The following ZNF354C variants were observed in gnomAD, a reference collection of about 807,000 sequenced individuals.
The protein encoded by ZNF354C is KRAB-zinc finger protein synten.
In ZNF354C, 7 loss-of-function variants were observed where a neutral mutation model predicts 12.4. That is an observed-to-expected ratio of 0.56 (90% CI 0.32 to 1.06). ZNF354C has a LOEUF of 1.06. Among genes scored for constraint, ZNF354C ranks in the 50% least tolerant of loss-of-function variants. The pLI, the probability that ZNF354C is intolerant of heterozygous loss-of-function variation, is 0.04. For synonymous variants in ZNF354C, 202 were observed against 224.5 expected (o/e 0.90, Z 0.90); for missense variants, 609 against 658.0 (o/e 0.93, Z 0.81).
At chr5:179,076,602 G>A (rs1285009114) in intron 3 of ZNF354C, 31 bp downstream of exon 3, 1 of 1,611,668 alleles carries the variant, frequency 6.2e-7, no homozygotes, top group South Asian at 1.1e-5. Flanking sequence ...CGAAGAATCT[G>A]TTATAGGAAC....
Position 179,081,544 on chromosome 5 carries a change from T to C in ZNF354C, c.*1447T>C, listed in dbSNP as rs920189461. On this transcript the variant is annotated 3_prime_UTR_variant, in exon 5 of 5. Transcript: ENST00000315475. ...TCTGAGAAAAATGTTAGAATTAAACTCAAGCAGTCAGTATAGTATATTTCT... is the reference window on the plus strand; with the variant it reads ...TCTGAGAAAAATGTTAGAATTAAACCCAAGCAGTCAGTATAGTATATTTCT... 4.6e-5 allele frequency: 7 copies of C among 152,258 alleles called. No individual in the cohort carries two copies. The highest frequency in any genetic ancestry group is 1.4e-4 in the African/African-American group (6 of 41,568). The allele number at this position is 152,258 out of a possible 1,614,324, so 9.4% of individuals were successfully genotyped here.
chr5:179,071,989 T>A (rs1381778276), intron 2 of ZNF354C, among the ~76,000 whole-genome samples: 1 of 151,988 alleles, frequency 6.6e-6, no homozygotes, highest in Non-Finnish European at 1.5e-5. Context: ...CATAACAAAA[T>A]CCAGAGTTTC....
chr5:179,067,865 G>T (rs1164745694), intron 2 of ZNF354C, among the ~76,000 whole-genome samples: 2 of 151,734 alleles, frequency 1.3e-5, no homozygotes, highest in African/African-American at 2.4e-5. Flanking sequence ...AGAAGAAGAA[G>T]AATGAGGTTT....
intron 2 of ZNF354C, 73 bp from the exon 3 acceptor site, chr5:179,076,372 C>T: frequency 2.5e-6 from 4 of 1,601,122 alleles, no homozygotes; most frequent in Non-Finnish European, 3.4e-6. Context: ...GTACATCCCA[C>T]TGTCACTTTC....
At position 179,079,017 on chromosome 5, in the gene ZNF354C, A is replaced by C. The variant is rs1762174619; in HGVS notation, c.585A>C (p.Lys195Asn). 1 of 1,612,824 alleles carries C rather than the reference A, an allele frequency of 6.2e-7. No homozygotes were observed. The highest frequency in any genetic ancestry group is 8.5e-7 in the Non-Finnish European group (1 of 1,179,790). The change falls in exon 5 of 5, where the codon AAA becomes AAC. Residue 195 changes from lysine (K) to asparagine (N), a missense_variant. Physicochemically the swap from Lys to Asn is moderately conservative, Grantham distance 94 (BLOSUM62 0). Transcript: ENST00000315475. The surrounding 1 kb of genome is among the most constrained non-coding windows in gnomAD (Gnocchi z 4.2). ...CCAATATGTATTATACATTTGGGAA[A>C]GATTTTAAACAGAATTTTGATCTCA... The part of the protein sequence containing the change: ...RIPNMYYTFG[K>N]DFKQNFDLMK...
chr5:179,070,538 G>A (rs888714042), intron 2 of ZNF354C, among the ~76,000 whole-genome samples: 2 of 152,092 alleles, frequency 1.3e-5, no homozygotes, highest in African/African-American at 4.8e-5. Flanking sequence ...TGCTGCCCTA[G>A]TTTCTGTTTT....
At position 179,080,039 on chromosome 5, in the gene ZNF354C, G is replaced by T. The variant is rs767168503; in HGVS notation, c.1607G>T (p.Ser536Ile). 6.2e-7 allele frequency: 1 copy of T among 1,609,592 alleles called. No individual in the cohort carries two copies. The highest frequency in any genetic ancestry group is 1.3e-5 in the African/African-American group (1 of 74,518). The change falls in exon 5 of 5, where the codon AGC becomes ATC. Residue 536 changes from serine (S) to isoleucine (I), a missense_variant. By Grantham distance (142) the Ser-to-Ile change is moderately radical. Coordinates refer to ENST00000315475, the MANE Select transcript of ZNF354C (RefSeq NM_014594.3). ...WKEYGKPFIC[S>I]SSLTQYQRFF... ...GAATATGGGAAACCTTTCATCTGCA[G>T]CTCCTCACTTACCCAGTATCAGAGA...
chr5:179,082,555 T>G lies in ZNF354C; in HGVS notation c.*2458T>G, dbSNP rs1190911225. On this transcript the variant is annotated 3_prime_UTR_variant, in exon 5 of 5. Coordinates refer to ENST00000315475, the MANE Select transcript of ZNF354C (RefSeq NM_014594.3). ...AAGCTGTTAAAACTGGTGTAATAGC[T>G]CAAAAGAACTAAGTATTCCAGATTT... 26 of 790,934 alleles carry G rather than the reference T, an allele frequency of 3.3e-5. No individual in the cohort carries two copies. The highest frequency in any genetic ancestry group is 5.2e-5 in the Non-Finnish European group (23 of 441,030). The allele number at this position is 790,934 out of a possible 1,614,324, so 49.0% of individuals were successfully genotyped here.
intron 4 of ZNF354C, among the ~76,000 whole-genome samples, chr5:179,078,075 A>C (rs1762152711): frequency 6.6e-6 from 1 of 152,138 alleles, no homozygotes; most frequent in Non-Finnish European, 1.5e-5. Flanking sequence ...TGCTGGGATT[A>C]CAGGTGTGAG....
chr5:179,064,418 A>AC (rs527840616), intron 2 of ZNF354C, among the ~76,000 whole-genome samples: 2 of 128,750 alleles, frequency 1.6e-5, no homozygotes, highest in Non-Finnish European at 1.6e-5. Flanking sequence ...CCAATATGTA[A>AC]CCCCCCTTTT....
chr5:179,082,900 G>A lies in ZNF354C; in HGVS notation c.*2803G>A. 4.0e-6 allele frequency: 4 copies of A among 1,005,766 alleles called. 1 individual carries two copies. In the South Asian group the frequency reaches 5.2e-5, roughly 13 times the overall value. The allele number at this position is 1,005,766 out of a possible 1,614,324, so 62.3% of individuals were successfully genotyped here. The stretch of plus-strand genomic sequence containing the variant: ...GCACTGCACTTGCCAGTGCGCTGAT[G>A]AAGAATCACGGAGAACTCCACCTCA... On this transcript the variant is annotated 3_prime_UTR_variant, in exon 5 of 5. Transcript: ENST00000315475.
At chr5:179,067,327 G>A (rs879285659) in intron 2 of ZNF354C, among the ~76,000 whole-genome samples, 6 of 152,178 alleles carry the variant, frequency 3.9e-5, no homozygotes, top group Admixed American at 1.3e-4. Flanking sequence ...ACAACATGGC[G>A]ACTAGGCTCC....
rs972170192 is a variant in ZNF354C at position 179,076,667 on chromosome 5, C to T, written c.154+96C>T. On this transcript the variant is annotated intron_variant, in intron 3 of 4. Transcript: ENST00000315475. Reference sequence around the variant, plus strand: ...GCCTGTGGTCTTGTACCCTACTGAGCCCCTCAGAAAGGCTGAATTGCTGTA... The same window carrying T: ...GCCTGTGGTCTTGTACCCTACTGAGTCCCTCAGAAAGGCTGAATTGCTGTA... The T allele has an allele frequency of 8.0e-6, 12 of 1,493,178 alleles. No homozygotes were observed. In the African/African-American group the frequency reaches 1.5e-4, roughly 19 times the overall value. The allele number at this position is 1,493,178 out of a possible 1,614,324, so 92.5% of individuals were successfully genotyped here.
chr5:179,074,371 G>A (rs181590026), intron 2 of ZNF354C, among the ~76,000 whole-genome samples: 151 of 150,046 alleles, frequency 1.0e-3, no homozygotes, highest in African/African-American at 3.4e-3. Flanking sequence ...CAGGTGATCC[G>A]CCCACCTCTG....
chr5:179,077,362 A>AT (rs1437357627), intron 4 of ZNF354C, among the ~76,000 whole-genome samples, 196 bp downstream of exon 4: 1 of 152,226 alleles, frequency 6.6e-6, no homozygotes, highest in East Asian at 1.9e-4. Context: ...CCTATTTTCT[A>AT]TCATGGATTG....
rs1050797302 is a variant in ZNF354C at position 179,076,478 on chromosome 5, T to A, written c.61T>A (p.Phe21Ile). 4 of 1,614,090 alleles carry A rather than the reference T, an allele frequency of 2.5e-6. No individual in the cohort carries two copies. In the African/African-American group the frequency reaches 5.3e-5, roughly 22 times the overall value. Residue 21 changes from phenylalanine to isoleucine, a missense_variant, in exon 3 of 5, where the codon TTC becomes ATC. Coordinates refer to ENST00000315475, the MANE Select transcript of ZNF354C (RefSeq NM_014594.3). ...PVTFRDVAVF[F>I]SQDEWLHLDS... ...GACATTCAGGGATGTGGCCGTGTTC[T>A]TCAGCCAGGACGAGTGGTTGCACCT...
Position 179,078,667 on chromosome 5 carries a change from T to C in ZNF354C, c.251-16T>C, listed in dbSNP as rs1454267828. The C allele has an allele frequency of 6.4e-7, 1 of 1,568,290 alleles. No homozygotes were observed. Among genetic ancestry groups the C allele is most frequent in the East Asian group, 2.2e-5 (1 of 44,498 alleles). On this transcript the variant is annotated splice_polypyrimidine_tract_variant and intron_variant, in intron 4 of 4. Transcript: ENST00000315475. The stretch of plus-strand genomic sequence containing the variant: ...CTTCCAGCAGAGGAGGCATTAATTC[T>C]TCTGATTCATTTTAGGTTTCAAGAC...
At chr5:179,071,263 C>G (rs777777594) in intron 2 of ZNF354C, among the ~76,000 whole-genome samples, 1 of 151,764 alleles carries the variant, frequency 6.6e-6, no homozygotes, top group African/African-American at 2.4e-5. Context: ...CACACGCTAA[C>G]GAGAACAACT....
intron 2 of ZNF354C, among the ~76,000 whole-genome samples, chr5:179,065,509 T>C (rs1761948083): frequency 6.6e-6 from 1 of 152,094 alleles, no homozygotes; most frequent in African/African-American, 2.4e-5. Flanking sequence ...CTCTGCCTCC[T>C]GGGTTCAAGT....
Sources: allele counts gnomAD v4.1 joint callset (sites outside exome capture counted in the v4.1 genomes callset), GRCh38; gene constraint gnomAD v4.1.1; non-coding constraint Gnocchi (gnomAD v3.1); transcripts MANE v1.5; gene names NCBI Gene and HGNC (gene_info 2026-07-23, HGNC 2026-07-21).